Variants in FMO1 observed in about 807,000 individuals in gnomAD.
The protein encoded by FMO1 is flavin containing dimethylaniline monoxygenase 1.
Under a neutral mutation model 45.4 loss-of-function variants are expected in FMO1, and 36 were observed. The observed-to-expected ratio is 0.79, with a 90% CI of 0.61 to 1.05. FMO1 has a LOEUF of 1.05. Ranked by LOEUF, FMO1 falls within the 50% of genes least tolerant of loss-of-function variation. The pLI, the probability that FMO1 is intolerant of heterozygous loss-of-function variation, is 0.00. For synonymous variants in FMO1, 228 were observed against 227.2 expected, an observed-to-expected ratio of 1.00 and a Z score of -0.03; for missense variants, 615 against 640.3, an observed-to-expected ratio of 0.96 and a Z score of 0.43.
intron 4 of FMO1, among the ~76,000 whole-genome samples, chr1:171,276,739 A>C (rs918167540): frequency 2.0e-5 from 3 of 152,190 alleles, no homozygotes; most frequent in Non-Finnish European, 4.4e-5. Flanking sequence ...TATGACCTGT[A>C]GTGATTCCAA....
In FMO1 at chr1:171,252,387, T is replaced by C. The variant is rs113445332; in HGVS notation, c.-7+3764T>C. On this transcript the variant is annotated intron_variant, in intron 1 of 8. Coordinates refer to ENST00000617670, the MANE Select transcript of FMO1 (RefSeq NM_001282693.2). ...TGTCCTGTCACCTCTGGGGTGCCTA[T>C]TGGCATCCTCTCCCCCTGTGCTTAC... Among the ~76,000 whole-genome samples the C allele has an allele frequency of 5.3e-5, 8 of 152,308 alleles. 1 individual carries two copies. Among genetic ancestry groups the C allele is most frequent in the African/African-American group, 1.2e-4 (5 of 41,560 alleles).
Position 171,258,154 on chromosome 1 carries a change from G to A in FMO1, c.67G>A (p.Glu23Lys), listed in dbSNP as rs1215351819. The change falls in exon 2 of 9, where the codon GAA (glutamate) becomes AAA (lysine). Residue 23 changes from glutamate to lysine, a missense_variant. Glu to Lys is a moderately conservative substitution (Grantham distance 56). Coordinates refer to ENST00000617670, the MANE Select transcript of FMO1 (RefSeq NM_001282693.2). ...SGLASIKCCLEEGLEPTCFER... is the reference protein window; with the variant it reads ...SGLASIKCCLKEGLEPTCFER... Reference sequence around the variant, plus strand: ...CCTGGCCTCCATCAAGTGCTGTCTGGAAGAAGGACTGGAGCCCACCTGCTT... The same window carrying A: ...CCTGGCCTCCATCAAGTGCTGTCTGAAAGAAGGACTGGAGCCCACCTGCTT... 3.7e-6 allele frequency: 6 copies of A among 1,614,204 alleles called. No homozygotes were observed. The highest frequency in any genetic ancestry group is 5.1e-6 in the Non-Finnish European group (6 of 1,180,034).
intron 8 of FMO1, among the ~76,000 whole-genome samples, chr1:171,283,643 C>T (rs1220071860): frequency 6.6e-6 from 1 of 152,156 alleles, no homozygotes. Context: ...TCTCTATCAG[C>T]TCTATTGTTT....
chr1:171,275,630 A>G, intron 4 of FMO1, 122 bp downstream of exon 4: 1 of 682,940 alleles, frequency 1.5e-6, no homozygotes, highest in Non-Finnish European at 2.3e-6. Flanking sequence ...AGGTAGGAGG[A>G]GGCTTTTTTT....
intron 4 of FMO1, among the ~76,000 whole-genome samples, chr1:171,276,627 C>T (rs1015402025): frequency 4.6e-5 from 7 of 152,136 alleles, no homozygotes; most frequent in Non-Finnish European, 1.0e-4. Flanking sequence ...CAGTATATTG[C>T]ACTAGGTGCT....
Position 171,275,563 on chromosome 1 carries a change from C to T in FMO1, c.484+55C>T. On this transcript the variant is annotated intron_variant, in intron 4 of 8. Coordinates refer to ENST00000617670, the MANE Select transcript of FMO1 (RefSeq NM_001282693.2). ...TTTTCTCGTGGGAGCCATTCTGATG[C>T]TTGATTGGTCTGGGAATGAATTCCT... 3.1e-6 allele frequency: 4 copies of T among 1,296,992 alleles called. No homozygotes were observed. The East Asian group carries it at 7.1e-5, about 23-fold the overall frequency. The allele number at this position is 1,296,992 out of a possible 1,614,324, so 80.3% of individuals were successfully genotyped here. A position where few individuals can be genotyped will look rare whatever the true frequency, so the allele number is the denominator to read the frequency against.
intron 2 of FMO1, among the ~76,000 whole-genome samples, chr1:171,260,985 T>A (rs541172471): frequency 6.9e-6 from 1 of 144,366 alleles, no homozygotes; most frequent in South Asian, 2.2e-4. Flanking sequence ...GTAAGAGGAA[T>A]ATCAAGCAGT....
chr1:171,256,842 T>C lies in FMO1; in HGVS notation c.-6-1240T>C, dbSNP rs28384850. Among the ~76,000 whole-genome samples, 1,290 of 152,258 alleles carry C rather than the reference T, an allele frequency of 8.5e-3. 21 individuals are homozygous for C. Among genetic ancestry groups the C allele is most frequent in the African/African-American group, 0.028 (1,182 of 41,542 alleles). The stretch of plus-strand genomic sequence containing the variant: ...AGCAAATTTTTAGAAAAATTATGTC[T>C]TTGGGGGCACTGCACTTAACAAACT... On this transcript the variant is annotated intron_variant, in intron 1 of 8. Coordinates refer to ENST00000617670, the MANE Select transcript of FMO1 (RefSeq NM_001282693.2).
At position 171,280,803 on chromosome 1, in the gene FMO1, C is replaced by T. The variant is rs144177397; in HGVS notation, c.645C>T (p.Thr215=). 2.7e-5 allele frequency: 43 copies of T among 1,612,678 alleles called. No individual in the cohort carries two copies. Among genetic ancestry groups the T allele is most frequent in the Admixed American group, 8.3e-5 (5 of 59,974 alleles). ...HLAEKVFLST[T]GGGWVISRIF... ...GCTTCCAGGTGTTCCTCAGCACCAC[C>T]GGAGGGGGATGGGTGATCAGCCGAA... Residue 215 remains threonine (T), a synonymous_variant, in exon 6 of 9, where the codon ACC becomes ACT. Coordinates refer to ENST00000617670, the MANE Select transcript of FMO1 (RefSeq NM_001282693.2).
At chr1:171,284,741 A>G (rs952518328) in intron 8 of FMO1, among the ~76,000 whole-genome samples, 2 of 151,416 alleles carry the variant, frequency 1.3e-5, no homozygotes, top group Admixed American at 6.6e-5. Context: ...AAAAAAAAAA[A>G]AAGAAAAAAG....
chr1:171,273,817 AC>A (rs1392587406), intron 3 of FMO1, among the ~76,000 whole-genome samples: 1 of 152,196 alleles, frequency 6.6e-6, no homozygotes, highest in Non-Finnish European at 1.5e-5. Context: ...GTTGCCAGGC[AC>A]AAGGCCATTT....
intron 1 of FMO1, chr1:171,257,624 C>T (rs1260675715): frequency 5.3e-6 from 1 of 188,502 alleles, no homozygotes; most frequent in Non-Finnish European, 1.1e-5. Flanking sequence ...ACCCCACCAG[C>T]TGCTGTGTGG....
At chr1:171,254,638 T>TG (rs1660069588) in intron 1 of FMO1, among the ~76,000 whole-genome samples, 1 of 152,188 alleles carries the variant, frequency 6.6e-6, no homozygotes, top group African/African-American at 2.4e-5. Context: ...ACACTGTCGT[T>TG]GGTCTAGCAC....
At chr1:171,272,050 A>G (rs981291343) in intron 3 of FMO1, among the ~76,000 whole-genome samples, 10 of 152,244 alleles carry the variant, frequency 6.6e-5, no homozygotes, top group African/African-American at 2.4e-4. Flanking sequence ...CTAGGAAGAA[A>G]AAGTGGTTTC....
chr1:171,269,350 A>T (rs1243870563), intron 3 of FMO1, among the ~76,000 whole-genome samples: 1 of 152,186 alleles, frequency 6.6e-6, no homozygotes, highest in African/African-American at 2.4e-5. Flanking sequence ...AAAAATGCTG[A>T]TAGTGATATG....
intron 3 of FMO1, chr1:171,271,419 T>G: frequency 9.5e-7 from 1 of 1,057,726 alleles, no homozygotes; most frequent in Non-Finnish European, 1.5e-6. Context: ...AAATTGTCCT[T>G]TCTCTTTAGC....
intron 2 of FMO1, 48 bp from the exon 3 acceptor site, chr1:171,267,495 A>G (rs1161983875): frequency 7.0e-7 from 1 of 1,438,226 alleles, no homozygotes; most frequent in African/African-American, 1.4e-5. Context: ...TCCCAGGCTT[A>G]TTTATGAGCA....
chr1:171,253,693 G>C (rs758590889), intron 1 of FMO1, among the ~76,000 whole-genome samples: 1 of 151,964 alleles, frequency 6.6e-6, no homozygotes, highest in South Asian at 2.1e-4. Flanking sequence ...CCCAGGAGGC[G>C]GAGGTTGCAG....
intron 3 of FMO1, among the ~76,000 whole-genome samples, chr1:171,268,185 C>A (rs745565460): frequency 6.6e-6 from 1 of 152,286 alleles, no homozygotes; most frequent in African/African-American, 2.4e-5. Flanking sequence ...TTCCTAAGCT[C>A]AGGTGATTCT....
Sources: allele counts gnomAD v4.1 joint callset (sites outside exome capture counted in the v4.1 genomes callset), GRCh38; gene constraint gnomAD v4.1.1; transcripts MANE v1.5; gene names NCBI Gene and HGNC (gene_info 2026-07-23, HGNC 2026-07-21).